PTPRM: variants seen among roughly 807,000 people sequenced by gnomAD.
The protein encoded by PTPRM is protein tyrosine phosphatase receptor type M.
Under a neutral mutation model 186.7 loss-of-function variants are expected in PTPRM, and 47 were observed. The observed-to-expected ratio is 0.25, with a 90% CI of 0.20 to 0.32. The LOEUF (loss-of-function observed/expected upper bound fraction) is 0.32, where lower values mean the gene tolerates loss of function less well. Ranked by LOEUF, PTPRM falls within the 10% of genes least tolerant of loss-of-function variation. The pLI, the probability that PTPRM is intolerant of heterozygous loss-of-function variation, is 1.00. For synonymous variants in PTPRM, 668 were observed against 674.9 expected (o/e 0.99, Z 0.16); for missense variants, 1,494 against 1,865.0 (o/e 0.80, Z 3.66).
chr18:7,717,916 G>A (rs562925274), intron 1 of PTPRM, among the ~76,000 whole-genome samples: 95 of 152,216 alleles, frequency 6.2e-4, no homozygotes, highest in South Asian at 1.7e-3. Flanking sequence ...TCCAGTTCCC[G>A]CACCTGTTTG....
intron 4 of PTPRM, among the ~76,000 whole-genome samples, chr18:7,918,869 A>G (rs1405410592): frequency 6.6e-6 from 1 of 152,030 alleles, no homozygotes; most frequent in Non-Finnish European, 1.5e-5. Context: ...CTTTGCCCAG[A>G]CCAATGTTCT....
intron 14 of PTPRM, among the ~76,000 whole-genome samples, chr18:8,217,616 T>C (rs2147034812): frequency 1.3e-5 from 2 of 152,316 alleles, no homozygotes; most frequent in Admixed American, 1.3e-4. Context: ...GTTTCTTTGA[T>C]AACTCCTTCC....
intron 5 of PTPRM, among the ~76,000 whole-genome samples, chr18:7,935,148 G>A (rs901167413): frequency 2.0e-5 from 3 of 152,052 alleles, no homozygotes; most frequent in Admixed American, 6.5e-5. Context: ...CTTAACTTGG[G>A]TATTTTATGC....
chr18:8,381,769 G>A (rs886315425), intron 29 of PTPRM, among the ~76,000 whole-genome samples: 7 of 152,254 alleles, frequency 4.6e-5, no homozygotes, highest in Non-Finnish European at 7.4e-5. Context: ...TGGCACGGCC[G>A]AAATTTCACT....
At chr18:7,781,429 ACAAT>A (rs1476908921) in intron 2 of PTPRM, among the ~76,000 whole-genome samples, 3 of 152,202 alleles carry the variant, frequency 2.0e-5, no homozygotes, top group Non-Finnish European at 1.5e-5. Flanking sequence ...GAATCTGCAA[ACAAT>A]CAAATACACT....
intron 1 of PTPRM, among the ~76,000 whole-genome samples, chr18:7,701,079 G>A (rs2039954248): frequency 6.6e-6 from 1 of 151,852 alleles, no homozygotes; most frequent in Non-Finnish European, 1.5e-5. Flanking sequence ...GCCTAGGCGG[G>A]CGGATCATGA....
chr18:8,008,291 A>G (rs2084310895), intron 7 of PTPRM, among the ~76,000 whole-genome samples: 1 of 152,206 alleles, frequency 6.6e-6, no homozygotes, highest in Admixed American at 6.5e-5. Context: ...ACAATGCAGA[A>G]TAAATCACTG....
At chr18:7,774,943 C>G (rs1233723419) in intron 2 of PTPRM, among the ~76,000 whole-genome samples, 3 of 152,156 alleles carry the variant, frequency 2.0e-5, no homozygotes, top group Non-Finnish European at 4.4e-5. Context: ...TTGGACATCC[C>G]TTTAGGACTT....
intron 2 of PTPRM, among the ~76,000 whole-genome samples, chr18:7,808,398 T>C (rs2044343239): frequency 6.6e-6 from 1 of 152,172 alleles, no homozygotes; most frequent in African/African-American, 2.4e-5. Flanking sequence ...AAAATAGAAC[T>C]TATTTACTGT....
intron 1 of PTPRM, among the ~76,000 whole-genome samples, chr18:7,707,723 A>G (rs991780399): frequency 1.3e-5 from 2 of 152,190 alleles, no homozygotes; most frequent in African/African-American, 4.8e-5. Flanking sequence ...ACTGGAGTTT[A>G]GGGAGAGAAG....
At chr18:7,772,344 TCTTTC>T (rs2042321403) in intron 1 of PTPRM, among the ~76,000 whole-genome samples, 2 of 133,114 alleles carry the variant, frequency 1.5e-5, no homozygotes, top group Non-Finnish European at 3.4e-5. Context: ...TTTCTTTCTT[TCTTTC>T]TCTTTCTTTC....
chr18:7,934,085 T>G (rs1052379044), intron 5 of PTPRM, among the ~76,000 whole-genome samples: 17 of 152,202 alleles, frequency 1.1e-4, no homozygotes, highest in African/African-American at 4.1e-4. Flanking sequence ...ACCTTTATTT[T>G]TTTCCATGAT....
At chr18:7,859,080 C>T (rs1291150954) in intron 2 of PTPRM, among the ~76,000 whole-genome samples, 1 of 152,180 alleles carries the variant, frequency 6.6e-6, no homozygotes, top group Non-Finnish European at 1.5e-5. Flanking sequence ...GAGATTTGAG[C>T]AGCTTCACTT....
chr18:8,072,131 T>C (rs1458926376), intron 8 of PTPRM, among the ~76,000 whole-genome samples: 1 of 152,216 alleles, frequency 6.6e-6, no homozygotes, highest in East Asian at 1.9e-4. Context: ...AGGCGTGATA[T>C]TGAGTAAGTA....
chr18:7,607,990 T>C (rs2037576814), intron 1 of PTPRM, among the ~76,000 whole-genome samples: 1 of 152,196 alleles, frequency 6.6e-6, no homozygotes, highest in African/African-American at 2.4e-5. Context: ...CATTGGGCCC[T>C]CCTGCTCTAC....
At chr18:8,126,516 A>G (rs2092367637) in intron 13 of PTPRM, among the ~76,000 whole-genome samples, 1 of 152,154 alleles carries the variant, frequency 6.6e-6, no homozygotes. Flanking sequence ...AGAATGACCC[A>G]GCCACTCCCA....
chr18:7,728,140 A>G (rs1350993812), intron 1 of PTPRM, among the ~76,000 whole-genome samples: 1 of 152,206 alleles, frequency 6.6e-6, no homozygotes, highest in Non-Finnish European at 1.5e-5. Context: ...AGGTTCAGAT[A>G]TTTGTTATTT....
chr18:7,623,367 G>C (rs954651652), intron 1 of PTPRM, among the ~76,000 whole-genome samples: 6 of 152,090 alleles, frequency 3.9e-5, no homozygotes, highest in African/African-American at 1.4e-4. Context: ...CCTACTCAAA[G>C]TAGCACTACT....
chr18:7,904,967 G>A (rs1390636586), intron 3 of PTPRM, among the ~76,000 whole-genome samples: 1 of 151,966 alleles, frequency 6.6e-6, no homozygotes, highest in Non-Finnish European at 1.5e-5. Context: ...CCCTTTTACT[G>A]GTTCTTTCTT....
Sources: allele counts gnomAD v4.1 joint callset (sites outside exome capture counted in the v4.1 genomes callset), GRCh38; gene constraint gnomAD v4.1.1; transcripts MANE v1.5; gene names NCBI Gene and HGNC (gene_info 2026-07-23, HGNC 2026-07-21).